Variants in ATP9B observed in about 807,000 individuals in gnomAD.
The protein encoded by ATP9B is ATPase phospholipid transporting 9B.
In ATP9B, 110 loss-of-function variants were observed where a neutral mutation model predicts 146.1. That is an observed-to-expected ratio of 0.75 (90% CI 0.65 to 0.88). The LOEUF (loss-of-function observed/expected upper bound fraction) is 0.88, where lower values mean the gene tolerates loss of function less well. Ranked by LOEUF, ATP9B falls within the 40% of genes least tolerant of loss-of-function variation. The pLI, the probability that ATP9B is intolerant of heterozygous loss-of-function variation, is 0.00. For synonymous variants in ATP9B, 604 were observed against 569.7 expected (o/e 1.06, Z -0.86); for missense variants, 1,499 against 1,496.4 (o/e 1.00, Z -0.03).
chr18:79,132,852 T>G (rs2094397782), intron 5 of ATP9B, among the ~76,000 whole-genome samples: 1 of 152,196 alleles, frequency 6.6e-6, no homozygotes, highest in Non-Finnish European at 1.5e-5. Context: ...TCTCTGTTAC[T>G]TTTTTCTTTT....
At chr18:79,327,712 ATGGTTAG>A (rs1568699794) in intron 15 of ATP9B, among the ~76,000 whole-genome samples, 8 of 47,726 alleles carry the variant, frequency 1.7e-4, no homozygotes, top group Non-Finnish European at 1.8e-4. Context: ...TGCTCTCTCC[ATGGTTAG>A]CGTGCTCGCC....
At chr18:79,285,019 A>G (rs1163578093) in intron 13 of ATP9B, among the ~76,000 whole-genome samples, 2 of 151,910 alleles carry the variant, frequency 1.3e-5, no homozygotes, top group East Asian at 1.9e-4. Flanking sequence ...CCAGTCTATC[A>G]TTGTTGGACA....
chr18:79,276,795 ATAT>A (rs1241981789), intron 12 of ATP9B, among the ~76,000 whole-genome samples: 2 of 152,264 alleles, frequency 1.3e-5, no homozygotes, highest in Admixed American at 6.5e-5. Flanking sequence ...CTAAAATCCA[ATAT>A]TATGTATTTT....
intron 27 of ATP9B, among the ~76,000 whole-genome samples, chr18:79,373,574 C>T (rs1299774297): frequency 6.6e-6 from 1 of 151,718 alleles, no homozygotes; most frequent in Non-Finnish European, 1.5e-5. Context: ...ACTGCAACCT[C>T]CGTCTCCTGG....
chr18:79,235,499 TATA>T (rs1030795937), intron 11 of ATP9B, among the ~76,000 whole-genome samples: 1 of 152,216 alleles, frequency 6.6e-6, no homozygotes, highest in Non-Finnish European at 1.5e-5. Flanking sequence ...TAATAACAAT[TATA>T]ATACTTGTTT....
At chr18:79,297,127 GAGAC>G (rs2096556404) in intron 13 of ATP9B, among the ~76,000 whole-genome samples, 1 of 139,222 alleles carries the variant, frequency 7.2e-6, no homozygotes, top group African/African-American at 2.7e-5. Context: ...ACCCAGAGAG[GAGAC>G]AGACGACCCA....
In ATP9B at chr18:79,097,283, G is replaced by A. The variant is rs1015902775; in HGVS notation, c.293+634G>A. Among the ~76,000 whole-genome samples, 48 of 148,134 alleles carry A rather than the reference G, an allele frequency of 3.2e-4. 1 individual carries two copies. The highest frequency in any genetic ancestry group is 5.7e-4 in the Non-Finnish European group (38 of 66,750). ...TTTTCTTCCCAAAAGATAGATATGG[G>A]CCTATACTCCTCTGGTATATCTTTT... On this transcript the variant is annotated intron_variant, in intron 2 of 29. Transcript: ENST00000426216.
At chr18:79,174,092 C>A in intron 7 of ATP9B, 1 of 306,226 alleles carries the variant, frequency 3.3e-6, no homozygotes, top group Non-Finnish European at 6.4e-6. Context: ...ATTTAATGTT[C>A]AGCATTTTTT....
chr18:79,102,689 G>T (rs1005739523), intron 2 of ATP9B, among the ~76,000 whole-genome samples: 1 of 152,026 alleles, frequency 6.6e-6, no homozygotes, highest in Non-Finnish European at 1.5e-5. Flanking sequence ...ATTTTGATAG[G>T]ACTTGTGTTG....
At chr18:79,126,403 G>T in intron 5 of ATP9B, 28 bp downstream of exon 5, 4 of 1,478,442 alleles carry the variant, frequency 2.7e-6, no homozygotes, top group South Asian at 1.2e-5. Flanking sequence ...ATCCTGCTTA[G>T]CGTTTGCTTA....
At chr18:79,299,361 C>T (rs935567634) in intron 13 of ATP9B, among the ~76,000 whole-genome samples, 18 of 152,202 alleles carry the variant, frequency 1.2e-4, no homozygotes, top group Admixed American at 3.3e-4. Flanking sequence ...TTTGTCTTTG[C>T]TCCCAGACCC....
chr18:79,154,089 G>A (rs1003663918), intron 6 of ATP9B, among the ~76,000 whole-genome samples: 8 of 151,550 alleles, frequency 5.3e-5, no homozygotes, highest in African/African-American at 1.9e-4. Flanking sequence ...CTGTAGCTGG[G>A]ACTACAGGTG....
chr18:79,091,416 A>G lies in ATP9B; in HGVS notation c.120-5060A>G, dbSNP rs184943576. On this transcript the variant is annotated intron_variant, in intron 1 of 29. Coordinates refer to ENST00000426216, the MANE Select transcript of ATP9B (RefSeq NM_198531.5). ...ATATTGATTTTTCCAATCCATGTAC[A>G]TGGAATATTTTTTCATTTTTTGGTA... Among the ~76,000 whole-genome samples, 711 of 152,298 alleles carry G rather than the reference A, an allele frequency of 4.7e-3. 4 individuals are homozygous for G. The highest frequency in any genetic ancestry group is 8.0e-3 in the Non-Finnish European group (546 of 68,024).
chr18:79,283,727 A>G lies in ATP9B; in HGVS notation c.1411+6531A>G, dbSNP rs567311684. 7.9e-5 allele frequency among the ~76,000 whole-genome samples: 12 copies of G among 152,346 alleles called. No homozygotes were observed. The South Asian group carries it at 1.5e-3, about 18-fold the overall frequency. ...TGTGAACTGCAAGGATGCAGAGCAT[A>G]TTGACACTGACCAGAAATACTCGAC... On this transcript the variant is annotated intron_variant, in intron 13 of 29. Transcript: ENST00000426216.
At chr18:79,369,425 C>T (rs932675992) in intron 26 of ATP9B, among the ~76,000 whole-genome samples, 5 of 149,914 alleles carry the variant, frequency 3.3e-5, no homozygotes, top group African/African-American at 7.4e-5. Flanking sequence ...CCCAGCTACT[C>T]GGGAGGCTGA....
chr18:79,192,478 C>T (rs980710449), intron 8 of ATP9B, among the ~76,000 whole-genome samples: 11 of 152,286 alleles, frequency 7.2e-5, no homozygotes, highest in Admixed American at 5.9e-4. Flanking sequence ...AGAAGAGGCA[C>T]TGGGGTGGCG....
In ATP9B at chr18:79,236,660, C is replaced by A. The variant is rs73971592; in HGVS notation, c.1108-16721C>A. Among the ~76,000 whole-genome samples, 718 of 152,310 alleles carry A rather than the reference C, an allele frequency of 4.7e-3. 9 individuals carry two copies. The highest frequency in any genetic ancestry group is 0.016 in the African/African-American group (649 of 41,562). On this transcript the variant is annotated intron_variant, in intron 11 of 29. Coordinates refer to ENST00000426216, the MANE Select transcript of ATP9B (RefSeq NM_198531.5). ...TCCCCTATGTGGATTTCCAGTTGAC[C>A]CAGAAGTGATTGTCGAAAGGCTGCC...
chr18:79,372,938 G>C lies in ATP9B; in HGVS notation c.3070+56G>C, dbSNP rs971354780. ...AAGATTTTTTTATTTTGGTCTTTTT[G>C]TTAGCAATATTGTTTTTACTTGCAG... On this transcript the variant is annotated intron_variant, in intron 27 of 29. Coordinates refer to ENST00000426216, the MANE Select transcript of ATP9B (RefSeq NM_198531.5). 4 of 1,293,044 alleles carry C rather than the reference G, an allele frequency of 3.1e-6. No homozygotes were observed. In the Admixed American group the frequency reaches 5.4e-5, roughly 17 times the overall value. 80.1% of individuals were successfully genotyped at this position (1,293,044 alleles called of 1,614,324 possible).
At chr18:79,075,602 C>T (rs1239456621) in intron 1 of ATP9B, among the ~76,000 whole-genome samples, 1 of 152,178 alleles carries the variant, frequency 6.6e-6, no homozygotes, top group East Asian at 1.9e-4. Flanking sequence ...AAATCTTCAT[C>T]TGACACTAAT....
Sources: allele counts gnomAD v4.1 joint callset (sites outside exome capture counted in the v4.1 genomes callset), GRCh38; gene constraint gnomAD v4.1.1; transcripts MANE v1.5; gene names NCBI Gene and HGNC (gene_info 2026-07-23, HGNC 2026-07-21).